The following QPRT variants were observed in gnomAD, a reference collection of about 807,000 sequenced individuals.
The protein encoded by QPRT is quinolinate phosphoribosyltransferase, also known as nicotinate-nucleotide pyrophosphorylase [carboxylating].
QPRT carries 17 observed loss-of-function variants against 19.8 expected under a neutral mutation model. The ratio of observed to expected loss-of-function variants is 0.86; its 90% CI spans 0.59 to 1.29. QPRT has a LOEUF of 1.29. Among genes scored for constraint, QPRT ranks in the 50% most tolerant of loss-of-function variants. The pLI is 0.00. For synonymous variants in QPRT, 178 were observed against 191.0 expected (o/e 0.93, Z 0.56); for missense variants, 336 against 405.1 (o/e 0.83, Z 1.46).
At chr16:29,696,739 C>T in intron 2 of QPRT, 1 of 391,752 alleles carries the variant, frequency 2.6e-6, no homozygotes, top group South Asian at 3.6e-5. Context: ...TATCATTGCA[C>T]CACTGCACTC....
rs186926848 is a variant in QPRT at position 29,697,834 on chromosome 16, G to A, written c.*423G>A. On this transcript the variant is annotated 3_prime_UTR_variant, in exon 4 of 4. Coordinates refer to ENST00000395384, the MANE Select transcript of QPRT (RefSeq NM_014298.6). This position sits in a 1 kb window ranked among gnomAD's most constrained non-coding sequence, Gnocchi z 4.4. ...AACCCCATCTCTACCAAAAATAGAA[G>A]AATTAGCTGGGTGTGGTGGCACGCG... The A allele has an allele frequency of 4.7e-4, 75 of 158,756 alleles. No individual in the cohort carries two copies. In the East Asian group the frequency reaches 0.012, roughly 26 times the overall value. The allele number at this position is 158,756 out of a possible 1,614,324, so 9.8% of individuals were successfully genotyped here.
Position 29,695,211 on chromosome 16 carries a change from G to T in QPRT, c.549+12G>T, listed in dbSNP as rs903871075. ...GTGGCGTGGAGAAGGTGCTGGTCCTGCCTGTCCCTGGTCCAACCCCACCCT... is the reference window on the plus strand; with the variant it reads ...GTGGCGTGGAGAAGGTGCTGGTCCTTCCTGTCCCTGGTCCAACCCCACCCT... On this transcript the variant is annotated intron_variant, in intron 2 of 3. Transcript: ENST00000395384. 7 of 1,523,710 alleles carry T rather than the reference G, an allele frequency of 4.6e-6. No individual in the cohort carries two copies. The South Asian group carries it at 8.9e-5, about 19-fold the overall frequency. The allele number at this position is 1,523,710 out of a possible 1,614,324, so 94.4% of individuals were successfully genotyped here. A position where few individuals can be genotyped will look rare whatever the true frequency, so the allele number is the denominator to read the frequency against.
chr16:29,694,394 C>T (rs1967449117), intron 1 of QPRT, among the ~76,000 whole-genome samples: 2 of 152,264 alleles, frequency 1.3e-5, no homozygotes, highest in African/African-American at 2.4e-5. Flanking sequence ...ACTGGGATTA[C>T]AGGCGTGAGC....
rs780964711 is a variant in QPRT, at chr16:29,695,004, C to T, written c.354C>T (p.Ala118=). ...LARCSGIASA[A]AAAVEAARGA... ...GCTGCAGTGGCATTGCCAGTGCTGC[C>T]GCCGCTGCAGTGGAGGCCGCCAGGG... Residue 118 remains alanine, a synonymous_variant, in exon 2 of 4, where the codon GCC becomes GCT. Coordinates refer to ENST00000395384, the MANE Select transcript of QPRT (RefSeq NM_014298.6). 4.4e-6 allele frequency: 7 copies of T among 1,604,978 alleles called. No individual in the cohort carries two copies. The highest frequency in any genetic ancestry group is 2.2e-5 in the East Asian group (1 of 44,848).
At chr16:29,684,569 G>T (rs1596787633) in intron 1 of QPRT, among the ~76,000 whole-genome samples, 1 of 151,910 alleles carries the variant, frequency 6.6e-6, no homozygotes, top group African/African-American at 2.4e-5. Context: ...GGATGGTCTT[G>T]ATCTCCTGAC....
Position 29,697,281 on chromosome 16 carries a change from A to G in QPRT, c.764A>G (p.Asn255Ser), listed in dbSNP as rs747380973. Residue 255 changes from asparagine to serine, a missense_variant, in exon 4 of 4, where the codon AAC (asparagine) becomes AGC (serine). Physicochemically the swap from Asn to Ser is conservative, Grantham distance 46 (BLOSUM62 1). Coordinates refer to ENST00000395384, the MANE Select transcript of QPRT (RefSeq NM_014298.6). The surrounding 1 kb of genome is among the most constrained non-coding windows in gnomAD (Gnocchi z 4.4). ...GCCAGTGGGGGCATCACCCTGGACA[A>G]CCTCCCCCAGTTCTGCGGGCCGCAC... ...VEASGGITLDNLPQFCGPHID... is the reference protein window; with the variant it reads ...VEASGGITLDSLPQFCGPHID... 7 of 1,613,582 alleles carry G rather than the reference A, an allele frequency of 4.3e-6. No individual in the cohort carries two copies. The Admixed American group carries it at 1.0e-4, about 23-fold the overall frequency.
At chr16:29,690,891 A>G (rs574517026) in intron 1 of QPRT, among the ~76,000 whole-genome samples, 3 of 152,084 alleles carry the variant, frequency 2.0e-5, no homozygotes, top group Admixed American at 6.5e-5. Context: ...GGATTTCACC[A>G]TGTTGGAGAG....
At chr16:29,693,490 C>T (rs1967415262) in intron 1 of QPRT, among the ~76,000 whole-genome samples, 2 of 152,074 alleles carry the variant, frequency 1.3e-5, no homozygotes, top group South Asian at 4.1e-4. Flanking sequence ...AACTCCTGAC[C>T]TCAGGTGATC....
rs1967584665 is a variant in QPRT at position 29,697,445 on chromosome 16, G to A, written c.*34G>A. On this transcript the variant is annotated 3_prime_UTR_variant, in exon 4 of 4. Transcript: ENST00000395384. This position sits in a 1 kb window ranked among gnomAD's most constrained non-coding sequence, Gnocchi z 4.4. Reference sequence around the variant, plus strand: ...CGGAAGAGGATGACACCGGCCATGGGTTAACGTGGCTCCTCAGGACCCTCT... The same window carrying A: ...CGGAAGAGGATGACACCGGCCATGGATTAACGTGGCTCCTCAGGACCCTCT... 1 of 1,581,300 alleles carries A rather than the reference G, an allele frequency of 6.3e-7. No individual in the cohort carries two copies. Among genetic ancestry groups the A allele is most frequent in the South Asian group, 1.1e-5 (1 of 89,736 alleles).
rs770387231 is a variant in QPRT at position 29,697,415 on chromosome 16, T to C, written c.*4T>C. On this transcript the variant is annotated 3_prime_UTR_variant, in exon 4 of 4. Transcript: ENST00000395384. This position sits in a 1 kb window ranked among gnomAD's most constrained non-coding sequence, Gnocchi z 4.4. Reference sequence around the variant, plus strand: ...TCCAGTGCCCAAAATCCACTAGTCCTAAACCGGAAGAGGATGACACCGGCC... The same window carrying C: ...TCCAGTGCCCAAAATCCACTAGTCCCAAACCGGAAGAGGATGACACCGGCC... 10 of 1,607,738 alleles carry C rather than the reference T, an allele frequency of 6.2e-6. No homozygotes were observed. The South Asian group carries it at 1.1e-4, about 18-fold the overall frequency.
At chr16:29,683,382 G>T (rs1445553541) in intron 1 of QPRT, among the ~76,000 whole-genome samples, 1 of 151,290 alleles carries the variant, frequency 6.6e-6, no homozygotes, top group Non-Finnish European at 1.5e-5. Context: ...CTGAGGCAGG[G>T]TCTCACCCTG....
At chr16:29,690,471 C>T (rs568855661) in intron 1 of QPRT, among the ~76,000 whole-genome samples, 6 of 152,086 alleles carry the variant, frequency 3.9e-5, no homozygotes, top group African/African-American at 1.2e-4. Context: ...ATTTACACTC[C>T]CACCAACAGT....
At chr16:29,686,754 C>A (rs1235145631) in intron 1 of QPRT, among the ~76,000 whole-genome samples, 1 of 152,174 alleles carries the variant, frequency 6.6e-6, no homozygotes, top group Non-Finnish European at 1.5e-5. Flanking sequence ...GGTCCACTTG[C>A]CTCGGCCTCC....
At chr16:29,679,339 A>C in intron 1 of QPRT, 129 bp downstream of exon 1, 4 of 622,956 alleles carry the variant, frequency 6.4e-6, no homozygotes, top group East Asian at 3.0e-5. Flanking sequence ...CCCGCCATCG[A>C]CTCCCTTACC....
intron 1 of QPRT, among the ~76,000 whole-genome samples, chr16:29,684,592 CCGCCT>C (rs1967107982): frequency 6.6e-6 from 1 of 152,144 alleles, no homozygotes; most frequent in African/African-American, 2.4e-5. Context: ...CGTGATCCTC[CCGCCT>C]CGGCCTCCCA....
At chr16:29,680,052 G>A (rs1337261641) in intron 1 of QPRT, among the ~76,000 whole-genome samples, 1 of 151,464 alleles carries the variant, frequency 6.6e-6, no homozygotes, top group Non-Finnish European at 1.5e-5. Flanking sequence ...CCGCCTCCCG[G>A]GTTCATGCCA....
chr16:29,689,103 CT>C (rs1013508939), intron 1 of QPRT, among the ~76,000 whole-genome samples: 1 of 147,036 alleles, frequency 6.8e-6, no homozygotes, highest in African/African-American at 2.5e-5. Flanking sequence ...TTAAATTTAA[CT>C]TTTTTTTTGA....
chr16:29,687,895 C>T (rs535029237), intron 1 of QPRT, among the ~76,000 whole-genome samples: 1 of 151,628 alleles, frequency 6.6e-6, no homozygotes, highest in Non-Finnish European at 1.5e-5. Flanking sequence ...GGTGAGAGGA[C>T]CACATGAGCC....
chr16:29,682,549 A>AT (rs961136411), intron 1 of QPRT, among the ~76,000 whole-genome samples: 96 of 137,836 alleles, frequency 7.0e-4, no homozygotes, highest in Middle Eastern at 8.3e-3. Context: ...ATTTTTTTGC[A>AT]TTTTTTTTTT....
Sources: gnomAD v4.1 joint callset for allele counts (sites outside exome capture counted in the v4.1 genomes callset) on GRCh38, gnomAD v4.1.1 for gene constraint, Gnocchi (gnomAD v3.1) non-coding constraint, MANE v1.5 for transcripts, NCBI Gene and HGNC (gene_info 2026-07-23, HGNC 2026-07-21) for gene names.